IPO5: variants seen among roughly 807,000 people sequenced by gnomAD.
The protein encoded by IPO5 is importin 5, also known as importin-5.
In IPO5, 18 loss-of-function variants were observed where a neutral mutation model predicts 143.3. That is an observed-to-expected ratio of 0.13 (90% confidence interval 0.09 to 0.19). The LOEUF (loss-of-function observed/expected upper bound fraction) is 0.19. IPO5 is among the 10% of genes least tolerant of loss of function. IPO5 has a pLI of 1.00. For missense variants in IPO5, 1,013 were observed against 1,336.9 expected, an observed-to-expected ratio of 0.76 and a Z score of 3.78; for synonymous variants, 477 against 465.7, an observed-to-expected ratio of 1.02 and a Z score of -0.31.
chr13:97,956,649 C>T (rs893883810), intron 2 of IPO5, among the ~76,000 whole-genome samples: 2 of 152,164 alleles, frequency 1.3e-5, no homozygotes, highest in Admixed American at 1.3e-4. Flanking sequence ...CTAAAGTTCA[C>T]AGCTAAAATA....
intron 2 of IPO5, among the ~76,000 whole-genome samples, chr13:97,967,275 T>C (rs1885423373): frequency 6.6e-6 from 1 of 152,200 alleles, no homozygotes. Flanking sequence ...TATTTGAGTC[T>C]CCTCTTTTTT....
intron 5 of IPO5, among the ~76,000 whole-genome samples, chr13:97,984,939 G>C (rs1227637313): frequency 1.3e-5 from 2 of 151,008 alleles, no homozygotes; most frequent in Admixed American, 6.6e-5. Context: ...TAGGTATCGG[G>C]AACTCGTAAT....
chr13:97,958,776 C>A (rs1237730217), intron 2 of IPO5, among the ~76,000 whole-genome samples: 2 of 151,842 alleles, frequency 1.3e-5, no homozygotes, highest in African/African-American at 4.8e-5. Flanking sequence ...CATCCCACCC[C>A]ACCCCACACT....
chr13:97,966,668 GTTAA>G (rs1046100782), intron 2 of IPO5, among the ~76,000 whole-genome samples: 5 of 152,136 alleles, frequency 3.3e-5, no homozygotes, highest in Admixed American at 6.5e-5. Flanking sequence ...TAGGAATGGT[GTTAA>G]TTGCTTTTTA....
chr13:98,001,270 A>T (rs1350163412), intron 13 of IPO5, among the ~76,000 whole-genome samples: 1 of 152,090 alleles, frequency 6.6e-6, no homozygotes. Flanking sequence ...TTTTATTTTC[A>T]TTTGTGTTTT....
intron 20 of IPO5, among the ~76,000 whole-genome samples, chr13:98,010,798 TGAGGTGGAGTCTCTC>T (rs1889648708): frequency 1.3e-4 from 19 of 143,624 alleles, no homozygotes; most frequent in South Asian, 4.5e-4. Flanking sequence ...TTTTTTTTTT[TGAGGTGGAGTCTCTC>T]TTTTTCACCC....
chr13:97,978,292 T>C (rs1223837743), intron 4 of IPO5, among the ~76,000 whole-genome samples: 1 of 152,226 alleles, frequency 6.6e-6, no homozygotes, highest in African/African-American at 2.4e-5. Context: ...AACTTGAATT[T>C]TTCACTCTAT....
At chr13:97,980,826 C>CAA (rs374921610) in intron 4 of IPO5, among the ~76,000 whole-genome samples, 1,873 of 108,494 alleles carry the variant, frequency 0.017, 33 homozygotes, top group East Asian at 0.071. Context: ...GACTCTATCT[C>CAA]AAAAAAAAAA....
At chr13:97,963,590 G>A (rs372159870) in intron 2 of IPO5, among the ~76,000 whole-genome samples, 8 of 151,870 alleles carry the variant, frequency 5.3e-5, no homozygotes, top group African/African-American at 1.9e-4. Context: ...GGATGGTCTC[G>A]ATCTTCTGAC....
chr13:97,967,085 T>C (rs1168314934), intron 2 of IPO5, among the ~76,000 whole-genome samples: 1 of 152,222 alleles, frequency 6.6e-6, no homozygotes, highest in Non-Finnish European at 1.5e-5. Flanking sequence ...TTTTACTTGC[T>C]GTAGATCTAT....
chr13:97,982,510 A>T lies in IPO5; in HGVS notation c.98A>T (p.Tyr33Phe). The T allele has an allele frequency of 6.2e-7, 1 of 1,610,114 alleles. No homozygotes were observed. The change falls in exon 5 of 29, where the codon TAT becomes TTT. Residue 33 changes from tyrosine (Y) to phenylalanine (F), a missense_variant. Around this residue, in one of 2 missense-constraint regions of IPO5, gnomAD observed 328 missense variants for 342.0 expected, o/e 0.96. Transcript: ENST00000651721. Reference sequence around the variant, plus strand: ...TTTTTTTTTTCCATGCAGGAAACCTATGAGAATATCCCAGGCCAGTCAAAG... The same window carrying T: ...TTTTTTTTTTCCATGCAGGAAACCTTTGAGAATATCCCAGGCCAGTCAAAG... ...NVVRKQAEET[Y>F]ENIPGQSKIT...
intron 2 of IPO5, among the ~76,000 whole-genome samples, chr13:97,966,327 C>A (rs904103901): frequency 6.6e-6 from 1 of 151,932 alleles, no homozygotes; most frequent in Non-Finnish European, 1.5e-5. Flanking sequence ...GTTTGTTGAG[C>A]GTTTTAATAA....
rs1404849777 is a variant in IPO5, at chr13:98,018,581, T to C, written c.2713T>C (p.Tyr905His). Reference sequence around the variant, plus strand: ...TCCAGCCTCATTTAAATACGCAGAATATTTCTTAAGACCAATGCTCCAATA... The same window carrying C: ...TCCAGCCTCATTTAAATACGCAGAACATTTCTTAAGACCAATGCTCCAATA... Reference protein sequence around the residue: ...CSPASFKYAEYFLRPMLQYVC... With the variant: ...CSPASFKYAEHFLRPMLQYVC... The change falls in exon 26 of 29, where the codon TAT becomes CAT. Residue 905 changes from tyrosine to histidine, a missense_variant. Physicochemically the swap from Tyr to His is moderately conservative, Grantham distance 83 (BLOSUM62 2). This residue lies in a region of IPO5 where 685 missense variants were observed against 994.9 expected (regional missense o/e 0.69). Transcript: ENST00000651721. 1 of 1,614,038 alleles carries C rather than the reference T, an allele frequency of 6.2e-7. No homozygotes were observed. The highest frequency in any genetic ancestry group is 8.5e-7 in the Non-Finnish European group (1 of 1,179,984).
At chr13:98,020,054 T>G (rs1234273558) in intron 27 of IPO5, 4 of 325,496 alleles carry the variant, frequency 1.2e-5, no homozygotes, top group African/African-American at 2.1e-5. Flanking sequence ...ATGAGGCACT[T>G]TAATTATTTA....
At chr13:97,959,599 TGGC>T (rs1453970926) in intron 2 of IPO5, among the ~76,000 whole-genome samples, 5 of 152,024 alleles carry the variant, frequency 3.3e-5, no homozygotes, top group South Asian at 2.1e-4. Context: ...CCGGGTGTGG[TGGC>T]GGGCGCCTAT....
intron 2 of IPO5, among the ~76,000 whole-genome samples, chr13:97,969,334 A>C (rs1885633977): frequency 6.6e-6 from 1 of 151,408 alleles, no homozygotes. Flanking sequence ...GGTGCCCACC[A>C]CCACGCCCAG....
chr13:98,014,140 G>C lies in IPO5; in HGVS notation c.2251G>C (p.Asp751His), dbSNP rs1240376549. 6.2e-7 allele frequency: 1 copy of C among 1,613,788 alleles called. No homozygotes were observed. Residue 751 changes from aspartate (D) to histidine (H), a missense_variant, in exon 22 of 29, where the codon GAT becomes CAT. Transcript: ENST00000651721. ...CACACAGATGTGGCATTTTATGTGTGATGCTCTAATTAAGGCCATTGGTAC... is the reference window on the plus strand; with the variant it reads ...CACACAGATGTGGCATTTTATGTGTCATGCTCTAATTAAGGCCATTGGTAC... Reference protein sequence around the residue: ...YLTQMWHFMCDALIKAIGTEP... With the variant: ...YLTQMWHFMCHALIKAIGTEP...
At position 98,015,406 on chromosome 13, in the gene IPO5, A is replaced by T; in HGVS notation, c.2326-124A>T. On this transcript the variant is annotated intron_variant, in intron 22 of 28. Coordinates refer to ENST00000651721, the MANE Select transcript of IPO5 (RefSeq NM_002271.6). ...ATTCTAACAAATACAAGCTAAGCAT[A>T]TGTAAATAATCTTCCAGGATACTGA... The T allele has an allele frequency of 1.3e-5, 8 of 635,272 alleles. No homozygotes were observed. The South Asian group carries it at 1.6e-4, about 13-fold the overall frequency. 39.4% of individuals were successfully genotyped at this position (635,272 alleles called of 1,614,324 possible). A position where few individuals can be genotyped will look rare whatever the true frequency, so the allele number is the denominator to read the frequency against.
Position 98,019,808 on chromosome 13 carries a change from A to G in IPO5, c.3064A>G (p.Ser1022Gly), listed in dbSNP as rs761862158. 1 of 1,597,652 alleles carries G rather than the reference A, an allele frequency of 6.3e-7. No homozygotes were observed. Among genetic ancestry groups the G allele is most frequent in the Admixed American group, 1.7e-5 (1 of 59,994 alleles). Reference sequence around the variant, plus strand: ...CAATTATCTGTGTGACCTGATTGAAAGGTAGGAAAGCAGACTGTGACCTTA... The same window carrying G: ...CAATTATCTGTGTGACCTGATTGAAGGGTAGGAAAGCAGACTGTGACCTTA... The part of the protein sequence containing the change: ...TFNYLCDLIE[S>G]NHPIVLGPNN... The change falls in exon 27 of 29, where the codon AGT (serine) becomes GGT (glycine). Residue 1022 changes from serine (S) to glycine (G), a missense_variant and splice_region_variant. By Grantham distance (56) the Ser-to-Gly change is moderately conservative. Coordinates refer to ENST00000651721, the MANE Select transcript of IPO5 (RefSeq NM_002271.6).
Sources: gnomAD v4.1 joint callset for allele counts (sites outside exome capture counted in the v4.1 genomes callset) on GRCh38, gnomAD v4.1.1 for gene constraint, gnomAD v4.1.1 regional missense constraint, MANE v1.5 for transcripts, NCBI Gene and HGNC (gene_info 2026-07-23, HGNC 2026-07-21) for gene names.